The following ITGAV variants were observed in gnomAD, a reference collection of about 807,000 sequenced individuals.
ITGAV encodes integrin subunit alpha V, also known as integrin alpha-V.
ITGAV carries 76 observed loss-of-function variants against 143.8 expected under a neutral mutation model. That is an observed-to-expected ratio of 0.53 (90% CI 0.44 to 0.64). The LOEUF (loss-of-function observed/expected upper bound fraction) is 0.64. ITGAV is among the 30% of genes least tolerant of loss of function. ITGAV has a pLI of 0.00. For missense variants in ITGAV, 1,193 were observed against 1,274.7 expected (o/e 0.94, Z 0.98); for synonymous variants, 453 against 446.7 (o/e 1.01, Z -0.18).
At chr2:186,664,101 A>G (rs767013796) in intron 19 of ITGAV, among the ~76,000 whole-genome samples, 4 of 152,212 alleles carry the variant, frequency 2.6e-5, no homozygotes, top group Non-Finnish European at 4.4e-5. Flanking sequence ...GATACACTTC[A>G]TCATAAACAT....
chr2:186,595,854 C>G (rs1185881689), intron 1 of ITGAV, among the ~76,000 whole-genome samples: 1 of 151,972 alleles, frequency 6.6e-6, no homozygotes, highest in Non-Finnish European at 1.5e-5. Context: ...TTACCTCACC[C>G]TGTGTATTCT....
At chr2:186,646,331 G>A (rs1688256026) in intron 12 of ITGAV, among the ~76,000 whole-genome samples, 1 of 152,064 alleles carries the variant, frequency 6.6e-6, no homozygotes, top group Admixed American at 6.5e-5. Context: ...CCTACCCCTA[G>A]TTTTAATGAG....
Position 186,600,298 on chromosome 2 carries a change from T to C in ITGAV, c.186-1723T>C, listed in dbSNP as rs1183925538. On this transcript the variant is annotated intron_variant, in intron 1 of 29. Coordinates refer to ENST00000261023, the MANE Select transcript of ITGAV (RefSeq NM_002210.5). ...CCATCTCTTCATTCCACTTCCCTCA[T>C]CCCCACCCCCCACTCCCCTCCATCC... The C allele has an allele frequency of 2.6e-6, 4 of 1,528,418 alleles. No homozygotes were observed. The African/African-American group carries it at 4.1e-5, about 16-fold the overall frequency. 94.7% of individuals were successfully genotyped at this position (1,528,418 alleles called of 1,614,324 possible).
chr2:186,598,620 T>G (rs1686814544), intron 1 of ITGAV, among the ~76,000 whole-genome samples: 1 of 151,944 alleles, frequency 6.6e-6, no homozygotes, highest in African/African-American at 2.4e-5. Context: ...ATATTTTTAG[T>G]AGAGATGGGG....
intron 4 of ITGAV, among the ~76,000 whole-genome samples, chr2:186,630,016 A>G (rs183448007): frequency 1.6e-4 from 25 of 152,258 alleles, no homozygotes; most frequent in African/African-American, 5.8e-4. Flanking sequence ...TGAGCCTACT[A>G]TGGTTGGAAA....
chr2:186,669,604 CTA>C, intron 25 of ITGAV, 95 bp from the exon 26 acceptor site: 1 of 786,116 alleles, frequency 1.3e-6, no homozygotes, highest in Non-Finnish European at 2.1e-6. Context: ...TTTTCATTCA[CTA>C]TTTTTTAATC....
intron 4 of ITGAV, among the ~76,000 whole-genome samples, chr2:186,628,201 G>A (rs1349782399): frequency 6.6e-6 from 1 of 152,096 alleles, no homozygotes; most frequent in Non-Finnish European, 1.5e-5. Context: ...TTATGCAAAC[G>A]AATAATTGGT....
At chr2:186,659,459 C>T (rs1190483538) in intron 18 of ITGAV, among the ~76,000 whole-genome samples, 1 of 151,698 alleles carries the variant, frequency 6.6e-6, no homozygotes, top group East Asian at 1.9e-4. Context: ...CAGCAAAGTG[C>T]CAGTTTGTTT....
chr2:186,670,125 A>C (rs558825684), intron 26 of ITGAV, among the ~76,000 whole-genome samples: 3 of 152,356 alleles, frequency 2.0e-5, no homozygotes, highest in African/African-American at 4.8e-5. Flanking sequence ...ATACTAAAAA[A>C]TCCAGAAGGT....
intron 15 of ITGAV, among the ~76,000 whole-genome samples, chr2:186,653,068 C>CCCGAGTAGCTGGGACTACAGGCG (rs1167793577): frequency 6.6e-6 from 1 of 151,570 alleles, no homozygotes; most frequent in African/African-American, 2.4e-5. Context: ...GCCTCAGCCT[C>CCCGAGTAGCTGGGACTACAGGCG]CCGAGTAGCT....
At chr2:186,625,972 A>G (rs1378600087) in intron 4 of ITGAV, among the ~76,000 whole-genome samples, 1 of 152,178 alleles carries the variant, frequency 6.6e-6, no homozygotes, top group Non-Finnish European at 1.5e-5. Context: ...GGGTACCTGC[A>G]CTTTTAACAG....
intron 18 of ITGAV, among the ~76,000 whole-genome samples, chr2:186,661,253 AT>A (rs1196719513): frequency 6.6e-6 from 1 of 152,208 alleles, no homozygotes; most frequent in Non-Finnish European, 1.5e-5. Flanking sequence ...TGTATTTAGA[AT>A]CCATGTAATT....
intron 12 of ITGAV, 47 bp from the exon 13 acceptor site, chr2:186,646,639 C>T: frequency 2.8e-6 from 4 of 1,430,170 alleles, no homozygotes; most frequent in South Asian, 2.7e-5. Flanking sequence ...TTTTCCTCCT[C>T]CTTACTTCTG....
At chr2:186,645,101 T>C (rs377234382) in intron 12 of ITGAV, among the ~76,000 whole-genome samples, 1 of 152,156 alleles carries the variant, frequency 6.6e-6, no homozygotes, top group Non-Finnish European at 1.5e-5. Flanking sequence ...TGTGTAGTCA[T>C]AGAATAAGTA....
In ITGAV at chr2:186,656,375, T is replaced by G. The variant is rs757702935; in HGVS notation, c.1693T>G (p.Cys565Gly). The change falls in exon 17 of 30, where the codon TGT (cysteine) becomes GGT (glycine). Residue 565 changes from cysteine (C) to glycine (G), a missense_variant. By Grantham distance (159) the Cys-to-Gly change is radical. Coordinates refer to ENST00000261023, the MANE Select transcript of ITGAV (RefSeq NM_002210.5). The stretch of plus-strand genomic sequence containing the variant: ...TATTTCAAGGGGGGGACTGATGCAG[T>G]GTGAGGAATTGATAGCGTATCTGCG... ...MTISRGGLMQ[C>G]EELIAYLRDE... The G allele has an allele frequency of 1.3e-6, 2 of 1,521,480 alleles. No individual in the cohort carries two copies. Among genetic ancestry groups the G allele is most frequent in the South Asian group, 2.7e-5 (2 of 74,148 alleles). 94.2% of individuals were successfully genotyped at this position (1,521,480 alleles called of 1,614,324 possible). A position where few individuals can be genotyped will look rare whatever the true frequency, so the allele number is the denominator to read the frequency against.
At chr2:186,640,007 A>C (rs1279835186) in intron 10 of ITGAV, among the ~76,000 whole-genome samples, 1 of 152,212 alleles carries the variant, frequency 6.6e-6, no homozygotes, top group Non-Finnish European at 1.5e-5. Context: ...GTATCAACCC[A>C]AAATAGATAA....
chr2:186,662,318 G>A (rs1688770853), intron 18 of ITGAV, among the ~76,000 whole-genome samples: 1 of 152,116 alleles, frequency 6.6e-6, no homozygotes, highest in Admixed American at 6.5e-5. Flanking sequence ...TATAGCAACT[G>A]CTTATATCTA....
chr2:186,607,603 T>C (rs1365649878), intron 2 of ITGAV, among the ~76,000 whole-genome samples: 1 of 152,204 alleles, frequency 6.6e-6, no homozygotes, highest in African/African-American at 2.4e-5. Flanking sequence ...TCTATTGTTC[T>C]TTTTAACTAC....
chr2:186,604,299 A>G (rs1255336792), intron 2 of ITGAV, among the ~76,000 whole-genome samples: 3 of 152,192 alleles, frequency 2.0e-5, no homozygotes, highest in Non-Finnish European at 2.9e-5. Context: ...AACAATAGAA[A>G]TCTCTTGTAG....
Sources: gnomAD v4.1 joint callset for allele counts (sites outside exome capture counted in the v4.1 genomes callset) on GRCh38, gnomAD v4.1.1 for gene constraint, MANE v1.5 for transcripts, NCBI Gene and HGNC (gene_info 2026-07-23, HGNC 2026-07-21) for gene names.